The following GLIS3 variants were observed in gnomAD, a reference collection of about 807,000 sequenced individuals.
GLIS3 encodes the protein zinc finger protein GLIS3.
Under a neutral mutation model 78.6 loss-of-function variants are expected in GLIS3, and 53 were observed. The observed-to-expected ratio is 0.67, with a 90% CI of 0.54 to 0.85. GLIS3 has a LOEUF of 0.85. GLIS3 is among the 40% of genes least tolerant of loss of function. The pLI is 0.00. For synonymous variants in GLIS3, 684 were observed against 509.9 expected (o/e 1.34, Z -4.60); for missense variants, 1,703 against 1,231.1 (o/e 1.38, Z -5.74).
intron 1 of GLIS3, chr9:4,298,382 A>G (rs1162447832): frequency 6.6e-5 from 30 of 456,194 alleles, no homozygotes; most frequent in Non-Finnish European, 2.6e-5. Flanking sequence ...CCCGCCAGGT[A>G]CCTAATTGAA....
chr9:4,234,222 C>A (rs1822517673), intron 2 of GLIS3, among the ~76,000 whole-genome samples: 1 of 152,204 alleles, frequency 6.6e-6, no homozygotes, highest in South Asian at 2.1e-4. Context: ...CACAACTTGG[C>A]TAAATGTTTG....
At chr9:4,234,176 A>C (rs1822515872) in intron 2 of GLIS3, among the ~76,000 whole-genome samples, 2 of 152,186 alleles carry the variant, frequency 1.3e-5, no homozygotes, top group African/African-American at 4.8e-5. Flanking sequence ...TGGGAGGAGC[A>C]CTTCTAATTT....
intron 2 of GLIS3, among the ~76,000 whole-genome samples, chr9:4,166,741 A>G (rs1438616131): frequency 1.3e-5 from 2 of 152,226 alleles, no homozygotes; most frequent in East Asian, 1.9e-4. Flanking sequence ...TGATGAAGGC[A>G]TAAGTGAACA....
At chr9:4,332,794 A>G (rs1251172652) in intron 2 of GLIS3, among the ~76,000 whole-genome samples, 1 of 152,222 alleles carries the variant, frequency 6.6e-6, no homozygotes, top group Non-Finnish European at 1.5e-5. Context: ...TCCTCTACAC[A>G]TCTATTCAGT....
At chr9:4,463,202 A>T in the GLIS3 span, among the ~76,000 whole-genome samples, 1 of 152,352 alleles carries the variant, frequency 6.6e-6, no homozygotes, top group South Asian at 2.1e-4. Context: ...CAATTTTACT[A>T]ATGGTGGGGA....
At chr9:3,874,208 A>C (rs1437704638) in intron 8 of GLIS3, among the ~76,000 whole-genome samples, 1 of 152,234 alleles carries the variant, frequency 6.6e-6, no homozygotes, top group African/African-American at 2.4e-5. Flanking sequence ...AAGAGGGGCC[A>C]AAGAGTAAAC....
At chr9:4,160,894 C>T (rs988749058) in intron 2 of GLIS3, among the ~76,000 whole-genome samples, 1 of 151,984 alleles carries the variant, frequency 6.6e-6, no homozygotes, top group Non-Finnish European at 1.5e-5. Context: ...CCTCCATATC[C>T]GTATTGGTAA....
rs1217927001 is a variant in GLIS3 at position 4,279,468 on chromosome 9, C to A, written c.388+6570G>T. Among the ~76,000 whole-genome samples the A allele has an allele frequency of 2.7e-5, 4 of 148,654 alleles. No homozygotes were observed. In the East Asian group the frequency reaches 7.9e-4, roughly 29 times the overall value. On this transcript the variant is annotated intron_variant, in intron 2 of 10. Coordinates refer to ENST00000381971, the MANE Select transcript of GLIS3 (RefSeq NM_001042413.2). Reference sequence around the variant, plus strand: ...GGAAGAAAAAAAACAATAATATCAACAAAGGACACCAAACTAATTGGGATT... The same window carrying A: ...GGAAGAAAAAAAACAATAATATCAAAAAAGGACACCAAACTAATTGGGATT...
the GLIS3 span, among the ~76,000 whole-genome samples, chr9:4,456,587 G>A: frequency 6.6e-6 from 1 of 152,180 alleles, no homozygotes; most frequent in Non-Finnish European, 1.5e-5. Flanking sequence ...ACAACTGTTT[G>A]GTGCAAGAGG....
chr9:4,272,736 G>A (rs960473269), intron 2 of GLIS3, among the ~76,000 whole-genome samples: 1 of 152,132 alleles, frequency 6.6e-6, no homozygotes, highest in Non-Finnish European at 1.5e-5. Context: ...TAACTTATAT[G>A]AGGCTAATCC....
intron 7 of GLIS3, 32 bp downstream of exon 7, chr9:3,898,659 G>C (rs1336646852): frequency 1.2e-6 from 2 of 1,613,796 alleles, no homozygotes; most frequent in African/African-American, 2.7e-5. Context: ...AAAAAGGGTA[G>C]TTGTGGTTGG....
chr9:4,440,690 T>A, the GLIS3 span, among the ~76,000 whole-genome samples: 1 of 152,244 alleles, frequency 6.6e-6, no homozygotes, highest in Non-Finnish European at 1.5e-5. Context: ...TCTATTTCCA[T>A]GAAAAATGTC....
At chr9:4,359,736 G>A in the GLIS3 span, among the ~76,000 whole-genome samples, 1 of 152,096 alleles carries the variant, frequency 6.6e-6, no homozygotes, top group Admixed American at 6.6e-5. Flanking sequence ...ATTGATTTCT[G>A]CTGAAGTTAA....
At chr9:3,991,332 A>T (rs1220590257) in intron 4 of GLIS3, among the ~76,000 whole-genome samples, 1 of 152,170 alleles carries the variant, frequency 6.6e-6, no homozygotes, top group African/African-American at 2.4e-5. Flanking sequence ...GAAGATACAA[A>T]AAAACAAAAA....
chr9:4,456,483 G>A, the GLIS3 span, among the ~76,000 whole-genome samples: 57 of 152,150 alleles, frequency 3.7e-4, no homozygotes, highest in Non-Finnish European at 5.3e-4. Flanking sequence ...AAACTTTCTC[G>A]CTATCAGCAA....
intron 4 of GLIS3, among the ~76,000 whole-genome samples, chr9:4,100,394 G>C (rs1016500766): frequency 6.6e-6 from 1 of 152,108 alleles, no homozygotes; most frequent in Non-Finnish European, 1.5e-5. Flanking sequence ...AAATGGGGGA[G>C]TACAACAACA....
At chr9:3,947,328 A>T in intron 4 of GLIS3, among the ~76,000 whole-genome samples, 1 of 152,232 alleles carries the variant, frequency 6.6e-6, no homozygotes, top group East Asian at 1.9e-4. Context: ...CGATTGCTGA[A>T]TTCTGTCATC....
chr9:4,117,854 G>A lies in GLIS3; in HGVS notation c.1624C>T (p.Pro542Ser), dbSNP rs1259000518. The A allele has an allele frequency of 6.2e-7, 1 of 1,614,114 alleles. No homozygotes were observed. The highest frequency in any genetic ancestry group is 8.5e-7 in the Non-Finnish European group (1 of 1,180,016). Residue 542 changes from proline to serine, a missense_variant, in exon 4 of 11, where the codon CCT becomes TCT. Coordinates refer to ENST00000381971, the MANE Select transcript of GLIS3 (RefSeq NM_001042413.2). ...GCGTTGAAGGGCTTGTATCTTCGAG[G>A]GCAACCGGCCCAGAAGCAAGTGAAG... is the stretch of plus-strand genomic sequence containing the variant. ...EDFTCFWAGC[P>S]RRYKPFNARY...
intron 4 of GLIS3, among the ~76,000 whole-genome samples, chr9:3,953,793 C>G (rs911483355): frequency 4.2e-3 from 195 of 46,928 alleles, no homozygotes; most frequent in African/African-American, 0.015. Flanking sequence ...CTCTCTCTCT[C>G]TCTATATATA....
Sources: allele counts gnomAD v4.1 joint callset (sites outside exome capture counted in the v4.1 genomes callset), GRCh38; gene constraint gnomAD v4.1.1; transcripts MANE v1.5; gene names NCBI Gene and HGNC (gene_info 2026-07-23, HGNC 2026-07-21).